The following POLD3 variants were observed in gnomAD, a reference collection of about 807,000 sequenced individuals.
POLD3 encodes the protein DNA polymerase delta 3, accessory subunit, also known as DNA polymerase delta subunit 3.
In POLD3, 19 loss-of-function variants were observed where a neutral mutation model predicts 58.2. The ratio of observed to expected loss-of-function variants is 0.33; its 90% CI spans 0.23 to 0.48. The LOEUF (loss-of-function observed/expected upper bound fraction) is 0.48, where lower values mean the gene tolerates loss of function less well. Ranked by LOEUF, POLD3 falls within the 20% of genes least tolerant of loss-of-function variation. POLD3 has a pLI of 0.99. For missense variants in POLD3, 504 were observed against 545.5 expected (o/e 0.92, Z 0.76); for synonymous variants, 172 against 193.5 (o/e 0.89, Z 0.92).
chr11:74,619,901 T>TTA, intron 6 of POLD3, 116 bp from the exon 7 acceptor site: 1 of 774,816 alleles, frequency 1.3e-6, no homozygotes, highest in Non-Finnish European at 2.3e-6. Flanking sequence ...TTTGGCATGA[T>TTA]TATATAGAGA....
chr11:74,610,093 T>A (rs999883111), intron 3 of POLD3, among the ~76,000 whole-genome samples: 1 of 152,236 alleles, frequency 6.6e-6, no homozygotes, highest in Non-Finnish European at 1.5e-5. Flanking sequence ...CTCTGCTTCT[T>A]GTTCCCACCA....
intron 6 of POLD3, among the ~76,000 whole-genome samples, chr11:74,619,370 T>TATG (rs2135150180): frequency 6.6e-6 from 1 of 152,278 alleles, no homozygotes; most frequent in Non-Finnish European, 1.5e-5. Context: ...TTGTTACTAT[T>TATG]ATTATTATCA....
At chr11:74,625,931 AGTTACT>A (rs2135161415) in intron 8 of POLD3, among the ~76,000 whole-genome samples, 1 of 151,188 alleles carries the variant, frequency 6.6e-6, no homozygotes, top group South Asian at 2.1e-4. Flanking sequence ...CCAAATGAAC[AGTTACT>A]GTTTCCAGTC....
chr11:74,600,050 A>G (rs2031432946), intron 2 of POLD3, among the ~76,000 whole-genome samples: 1 of 151,618 alleles, frequency 6.6e-6, no homozygotes, highest in Admixed American at 6.6e-5. Flanking sequence ...AATTCAAGCA[A>G]TTCTCCTGCC....
chr11:74,635,943 T>G, intron 10 of POLD3, among the ~76,000 whole-genome samples: 1 of 152,238 alleles, frequency 6.6e-6, no homozygotes, highest in Non-Finnish European at 1.5e-5. Context: ...ATTGACTGAA[T>G]GAACAGAACA....
intron 1 of POLD3, among the ~76,000 whole-genome samples, chr11:74,593,485 T>G (rs2031110160): frequency 6.6e-6 from 1 of 152,164 alleles, no homozygotes; most frequent in Non-Finnish European, 1.5e-5. Context: ...AAGCTTGACA[T>G]TTGGAATTGG....
At chr11:74,594,265 A>C in intron 2 of POLD3, 149 bp downstream of exon 2, 1 of 611,560 alleles carries the variant, frequency 1.6e-6, no homozygotes, top group South Asian at 2.0e-5. Flanking sequence ...GTAGCTGCGT[A>C]ATTCCAATCT....
intron 7 of POLD3, among the ~76,000 whole-genome samples, chr11:74,622,215 G>C (rs986133243): frequency 6.6e-6 from 1 of 151,974 alleles, no homozygotes; most frequent in Non-Finnish European, 1.5e-5. Context: ...ATTTTTTATG[G>C]CTGCATAGTA....
At chr11:74,659,900 C>G (rs1003973945) in intron 4 of POLD3, among the ~76,000 whole-genome samples, 1 of 152,184 alleles carries the variant, frequency 6.6e-6, no homozygotes, top group Non-Finnish European at 1.5e-5. Context: ...CTGCCGTTAC[C>G]GAGTTCCAAA....
At chr11:74,632,556 A>T (rs1386607938) in intron 9 of POLD3, among the ~76,000 whole-genome samples, 1 of 152,174 alleles carries the variant, frequency 6.6e-6, no homozygotes, top group Admixed American at 6.5e-5. Flanking sequence ...AAGTCAGATA[A>T]AAATAGAAGT....
At position 74,601,924 on chromosome 11, in the gene POLD3, C is replaced by T. The variant is rs2031513191; in HGVS notation, c.117-2768C>T. ...AGAGCCTTCTAGGCAGAAGGAAGGG[C>T]ATATACAAAGGAATAAAGAGAATTG... is the stretch of plus-strand genomic sequence containing the variant. On this transcript the variant is annotated intron_variant, in intron 2 of 11. Coordinates refer to ENST00000263681, the MANE Select transcript of POLD3 (RefSeq NM_006591.3). 2.0e-5 allele frequency among the ~76,000 whole-genome samples: 3 copies of T among 151,918 alleles called. No homozygotes were observed. In the South Asian group the frequency reaches 6.2e-4, roughly 32 times the overall value.
chr11:74,635,828 T>TA (rs924633038), intron 10 of POLD3, among the ~76,000 whole-genome samples: 1 of 152,256 alleles, frequency 6.6e-6, no homozygotes, highest in African/African-American at 2.4e-5. Context: ...CAGCCCTCAC[T>TA]ACACTGTATT....
intron 3 of POLD3, among the ~76,000 whole-genome samples, chr11:74,609,513 T>C (rs1438258811): frequency 6.7e-6 from 1 of 150,102 alleles, no homozygotes; most frequent in Non-Finnish European, 1.5e-5. Flanking sequence ...CCCGAGTAGC[T>C]AGGATTACAG....
chr11:74,630,575 A>C (rs550571522), intron 9 of POLD3, among the ~76,000 whole-genome samples: 2 of 152,318 alleles, frequency 1.3e-5, no homozygotes, highest in East Asian at 3.9e-4. Flanking sequence ...TGAGCATCCC[A>C]GAGAGGCAAA....
chr11:74,634,875 G>A (rs748484271), intron 10 of POLD3, among the ~76,000 whole-genome samples, 180 bp downstream of exon 10: 10 of 152,210 alleles, frequency 6.6e-5, no homozygotes, highest in Non-Finnish European at 1.2e-4. Flanking sequence ...CTTACCTGAA[G>A]GGAGATTTTG....
chr11:74,660,153 C>A (rs1422702842), intron 4 of POLD3, among the ~76,000 whole-genome samples: 2 of 152,092 alleles, frequency 1.3e-5, no homozygotes, highest in East Asian at 3.9e-4. Context: ...ACCAGAAACC[C>A]CTGATAAACC....
intron 3 of POLD3, among the ~76,000 whole-genome samples, chr11:74,609,368 ATATATTTTTTTTTTTT>A (rs1473024263): frequency 1.9e-4 from 4 of 21,264 alleles, no homozygotes; most frequent in African/African-American, 7.0e-4. Context: ...ATATATATAT[ATATATTTTTTTTTTTT>A]TTTTTTTTTT....
In POLD3 at chr11:74,629,543, AATT is replaced by A. The variant is rs576245852; in HGVS notation, c.1006+229_1006+231del. ...ATAACACAGAAGGAAAGAGGATAAG[AATT>A]ATTATTATACATATTATCTAAGACT... On this transcript the variant is annotated intron_variant, in intron 9 of 11. Coordinates refer to ENST00000263681, the MANE Select transcript of POLD3 (RefSeq NM_006591.3). Among the ~76,000 whole-genome samples the A allele has an allele frequency of 1.6e-3, 250 of 152,158 alleles. 2 individuals carry two copies. The highest frequency in any genetic ancestry group is 5.7e-3 in the African/African-American group (237 of 41,530).
At chr11:74,629,124 A>C in intron 8 of POLD3, 93 bp from the exon 9 acceptor site, 1 of 720,916 alleles carries the variant, frequency 1.4e-6, no homozygotes, top group Admixed American at 2.6e-5. Flanking sequence ...TGGAATTAAG[A>C]CCACGAGTTA....
Sources: allele counts gnomAD v4.1 joint callset (sites outside exome capture counted in the v4.1 genomes callset), GRCh38; gene constraint gnomAD v4.1.1; transcripts MANE v1.5; gene names NCBI Gene and HGNC (gene_info 2026-07-23, HGNC 2026-07-21).